Variants in NPAS3 observed in about 807,000 individuals in gnomAD.
NPAS3 encodes the protein neuronal PAS domain protein 3.
Under a neutral mutation model 73.1 loss-of-function variants are expected in NPAS3, and 14 were observed. The ratio of observed to expected loss-of-function variants is 0.19; its 90% CI spans 0.13 to 0.30. The LOEUF (loss-of-function observed/expected upper bound fraction) is 0.30. NPAS3 is among the 10% of genes least tolerant of loss of function. NPAS3 has a pLI of 1.00. For synonymous variants in NPAS3, 620 were observed against 541.5 expected, an observed-to-expected ratio of 1.14 and a Z score of -2.01; for missense variants, 1,096 against 1,250.0, an observed-to-expected ratio of 0.88 and a Z score of 1.86.
At chr14:33,291,461 A>G (rs2042096912) in intron 3 of NPAS3, among the ~76,000 whole-genome samples, 2 of 152,308 alleles carry the variant, frequency 1.3e-5, no homozygotes, top group South Asian at 2.1e-4. Context: ...CAGAAAGTAA[A>G]TGTTGATTTT....
chr14:33,481,091 A>C lies in NPAS3; in HGVS notation c.469-79030A>C, dbSNP rs557148905. Among the ~76,000 whole-genome samples the C allele has an allele frequency of 4.6e-5, 7 of 152,326 alleles. 1 individual carries two copies. Among genetic ancestry groups the C allele is most frequent in the African/African-American group, 1.7e-4 (7 of 41,578 alleles). On this transcript the variant is annotated intron_variant, in intron 4 of 11. Transcript: ENST00000356141. ...TTCAGCAGGGGTCTAATAAGGATAG[A>C]TATAATTGGGTAAATGGCGAATAAG...
intron 6 of NPAS3, among the ~76,000 whole-genome samples, chr14:33,719,002 T>C (rs1464933262): frequency 6.6e-6 from 1 of 151,988 alleles, no homozygotes; most frequent in African/African-American, 2.4e-5. Flanking sequence ...GTGGTGTGCA[T>C]CTGTAGTCCA....
At chr14:33,634,329 G>A (rs2058457436) in intron 5 of NPAS3, among the ~76,000 whole-genome samples, 2 of 152,186 alleles carry the variant, frequency 1.3e-5, no homozygotes, top group African/African-American at 4.8e-5. Context: ...GATTTGCTGT[G>A]GGTAAATCAG....
chr14:33,246,298 G>A (rs2139857750), intron 3 of NPAS3, among the ~76,000 whole-genome samples: 1 of 152,222 alleles, frequency 6.6e-6, no homozygotes, highest in South Asian at 2.1e-4. Context: ...CCAGCACTTT[G>A]GGAGGCCGAG....
chr14:33,445,295 T>C (rs1477728799), intron 4 of NPAS3, among the ~76,000 whole-genome samples: 4 of 152,226 alleles, frequency 2.6e-5, no homozygotes, highest in African/African-American at 7.2e-5. Flanking sequence ...ATTTTACATA[T>C]TACTATATGT....
At chr14:33,677,671 C>A (rs1693174543) in intron 6 of NPAS3, among the ~76,000 whole-genome samples, 2 of 151,692 alleles carry the variant, frequency 1.3e-5, no homozygotes, top group East Asian at 1.9e-4. Flanking sequence ...AAGAACCAAT[C>A]CATTTTCCTC....
At chr14:33,095,672 T>TTA (rs1566556330) in intron 2 of NPAS3, among the ~76,000 whole-genome samples, 3 of 136,308 alleles carry the variant, frequency 2.2e-5, no homozygotes, top group South Asian at 4.7e-4. Context: ...ATTTTTTTAT[T>TTA]TTTTTTTTTT....
At chr14:32,974,616 A>G (rs2037575498) in intron 1 of NPAS3, among the ~76,000 whole-genome samples, 1 of 152,166 alleles carries the variant, frequency 6.6e-6, no homozygotes, top group African/African-American at 2.4e-5. Flanking sequence ...ACAACCAAAC[A>G]AAGACAGAGC....
chr14:33,149,179 T>TA (rs2044356741), intron 2 of NPAS3, among the ~76,000 whole-genome samples: 1 of 152,192 alleles, frequency 6.6e-6, no homozygotes, highest in Non-Finnish European at 1.5e-5. Context: ...CTTTACTTTT[T>TA]ATCCATCAAT....
chr14:33,587,245 T>C (rs1009818197), intron 5 of NPAS3, among the ~76,000 whole-genome samples: 4 of 152,232 alleles, frequency 2.6e-5, no homozygotes, highest in Admixed American at 2.6e-4. Flanking sequence ...TAATATAAAA[T>C]AGTTTTATGT....
intron 4 of NPAS3, among the ~76,000 whole-genome samples, chr14:33,403,850 C>T (rs1237112925): frequency 3.3e-5 from 5 of 151,772 alleles, no homozygotes; most frequent in African/African-American, 1.2e-4. Context: ...TCCTTCCTTC[C>T]TTCCTTTTAC....
chr14:33,414,064 CTTAG>C (rs1184326828), intron 4 of NPAS3, among the ~76,000 whole-genome samples: 1 of 151,954 alleles, frequency 6.6e-6, no homozygotes, highest in Non-Finnish European at 1.5e-5. Flanking sequence ...AGAGTATATC[CTTAG>C]TTAGAGACTC....
chr14:33,166,308 A>T (rs1015940806), intron 2 of NPAS3, among the ~76,000 whole-genome samples: 1 of 152,214 alleles, frequency 6.6e-6, no homozygotes, highest in Non-Finnish European at 1.5e-5. Flanking sequence ...TGACCCCAGC[A>T]GCAGAGATTG....
chr14:33,124,620 T>C (rs1279315), intron 2 of NPAS3, among the ~76,000 whole-genome samples: 4,411 of 152,156 alleles, frequency 0.029, 146 homozygotes, highest in East Asian at 0.16. Flanking sequence ...TAGAGAAACA[T>C]GAGATTGATA....
At chr14:33,218,063 A>G (rs2047289861) in intron 3 of NPAS3, among the ~76,000 whole-genome samples, 1 of 152,198 alleles carries the variant, frequency 6.6e-6, no homozygotes, top group African/African-American at 2.4e-5. Flanking sequence ...TAAAAAGAAG[A>G]TAAAATGTGG....
chr14:33,363,132 G>A (rs774556756), intron 3 of NPAS3, among the ~76,000 whole-genome samples: 40 of 152,050 alleles, frequency 2.6e-4, no homozygotes, highest in Non-Finnish European at 4.6e-4. Context: ...CTGACCTTTC[G>A]GCTGAATAGG....
intron 4 of NPAS3, among the ~76,000 whole-genome samples, chr14:33,477,560 C>T (rs780490407): frequency 6.6e-6 from 1 of 152,156 alleles, no homozygotes; most frequent in South Asian, 2.1e-4. Context: ...CACACACACA[C>T]AGCCATATAA....
chr14:33,802,678 A>G (rs1354481482), downstream of NPAS3: 1 of 152,208 alleles, frequency 6.6e-6, no homozygotes, highest in Non-Finnish European at 1.5e-5. Context: ...TCTGTGCTCT[A>G]TCTCTAGTCC....
intron 7 of NPAS3, among the ~76,000 whole-genome samples, chr14:33,735,722 C>G (rs1049218966): frequency 1.2e-4 from 19 of 152,196 alleles, no homozygotes; most frequent in African/African-American, 4.1e-4. Context: ...TTCTCCCTTT[C>G]TCTTTACAGA....
Sources: gnomAD v4.1 joint callset for allele counts (sites outside exome capture counted in the v4.1 genomes callset) on GRCh38, gnomAD v4.1.1 for gene constraint, MANE v1.5 for transcripts, NCBI Gene and HGNC (gene_info 2026-07-23, HGNC 2026-07-21) for gene names.